Variants in EFEMP1 observed in about 807,000 individuals in gnomAD.
EFEMP1 encodes the protein EGF-containing fibulin-like extracellular matrix protein 1.
In EFEMP1, 18 loss-of-function variants were observed where a neutral mutation model predicts 65.7. The ratio of observed to expected loss-of-function variants is 0.27; its 90% CI spans 0.19 to 0.41. The LOEUF is 0.41. EFEMP1 is among the 10% of genes least tolerant of loss of function. EFEMP1 has a pLI of 1.00. For missense variants in EFEMP1, 469 were observed against 624.8 expected (o/e 0.75, Z 2.66); for synonymous variants, 237 against 219.7 (o/e 1.08, Z -0.70).
rs1668910560 is a variant in EFEMP1 at position 55,873,668 on chromosome 2, A to G, written c.1000+1278T>C. Among the ~76,000 whole-genome samples, 1 of 152,208 alleles carries G rather than the reference A, an allele frequency of 6.6e-6. No homozygotes were observed. Among genetic ancestry groups the G allele is most frequent in the East Asian group, 1.9e-4 (1 of 5,182 alleles). ...CATAATTAACATTTATAAAGTCTCT[A>G]GTAACCTGGAAAGGGTTATAAAGAT... On this transcript the variant is annotated intron_variant, in intron 9 of 11. Coordinates refer to ENST00000355426, the MANE Select transcript of EFEMP1 (RefSeq NM_001039348.3). This position sits in a 1 kb window ranked among gnomAD's most constrained non-coding sequence, Gnocchi z 4.6.
At chr2:55,891,558 G>A (rs936607134) in intron 5 of EFEMP1, among the ~76,000 whole-genome samples, 3 of 152,002 alleles carry the variant, frequency 2.0e-5, no homozygotes, top group Admixed American at 6.5e-5. Context: ...GTGCACATAC[G>A]TATAGCTTTG....
In EFEMP1 at chr2:55,922,615, C is replaced by G. The variant is rs759935204; in HGVS notation, c.-7-168G>C. ...CTCCCCTCCCCCTCCTGAACCTTCT[C>G]GGTAGCCAACGAACGAGGCAGCAAA... On this transcript the variant is annotated intron_variant, in intron 2 of 11. Transcript: ENST00000355426. The surrounding 1 kb of genome is among the most constrained non-coding windows in gnomAD (Gnocchi z 5.5). The G allele has an allele frequency of 4.4e-6, 3 of 674,472 alleles. No individual in the cohort carries two copies. The highest frequency in any genetic ancestry group is 7.7e-6 in the Non-Finnish European group (3 of 389,048). The allele number at this position is 674,472 out of a possible 1,614,324, so 41.8% of individuals were successfully genotyped here.
chr2:55,896,231 A>G (rs1077779), intron 5 of EFEMP1, among the ~76,000 whole-genome samples: 87,073 of 152,182 alleles, frequency 0.57, 26,414 homozygotes, highest in East Asian at 0.9. Flanking sequence ...TATCATCATT[A>G]CAACACTTTG....
At position 55,868,980 on chromosome 2, in the gene EFEMP1, T is replaced by C. The variant is rs373479165; in HGVS notation, c.1320+1740A>G. Among the ~76,000 whole-genome samples, 3 of 152,306 alleles carry C rather than the reference T, an allele frequency of 2.0e-5. No homozygotes were observed. In the East Asian group the frequency reaches 5.8e-4, roughly 29 times the overall value. On this transcript the variant is annotated intron_variant, in intron 11 of 11. Transcript: ENST00000355426. ...TGTGATAAGAAATAGTCTTGAAATG[T>C]CTATTTTTATTATTTTAAATAATTT...
intron 5 of EFEMP1, among the ~76,000 whole-genome samples, chr2:55,882,846 A>G (rs1217607399): frequency 6.6e-6 from 1 of 152,092 alleles, no homozygotes; most frequent in Non-Finnish European, 1.5e-5. Flanking sequence ...TTAGATCATC[A>G]CTGTGGCAGA....
At chr2:55,913,882 C>T (rs1024548297) in intron 5 of EFEMP1, among the ~76,000 whole-genome samples, 1 of 151,896 alleles carries the variant, frequency 6.6e-6, no homozygotes, top group East Asian at 1.9e-4. Context: ...TGGTGGTGCA[C>T]GCCTGTAGTC....
chr2:55,870,909 A>G lies in EFEMP1; in HGVS notation c.1131T>C (p.Cys377=). The G allele has an allele frequency of 1.2e-6, 2 of 1,613,830 alleles. No homozygotes were observed. Among genetic ancestry groups the G allele is most frequent in the Non-Finnish European group, 1.7e-6 (2 of 1,179,826 alleles). ...ACATGGCATTTGAGACTGGGCAAAC[A>G]CATCGGCTGCAGAGACAAACAAAAG... ...DPYILTPENR[C]VCPVSNAMCR... The change falls in exon 11 of 12, where the codon TGT becomes TGC. Residue 377 remains cysteine (C), a synonymous_variant. Coordinates refer to ENST00000355426, the MANE Select transcript of EFEMP1 (RefSeq NM_001039348.3). This position sits in a 1 kb window ranked among gnomAD's most constrained non-coding sequence, Gnocchi z 5.8.
At chr2:55,896,219 TATATC>T (rs1323114803) in intron 5 of EFEMP1, among the ~76,000 whole-genome samples, 2 of 152,250 alleles carry the variant, frequency 1.3e-5, no homozygotes, top group African/African-American at 4.8e-5. Flanking sequence ...TTTACACAAT[TATATC>T]ATCATTACAA....
At chr2:55,868,129 G>A (rs1668658769) in intron 11 of EFEMP1, among the ~76,000 whole-genome samples, 1 of 152,114 alleles carries the variant, frequency 6.6e-6, no homozygotes, top group Non-Finnish European at 1.5e-5. Flanking sequence ...GCTCCACGGG[G>A]GCAGGAACTG....
intron 5 of EFEMP1, among the ~76,000 whole-genome samples, chr2:55,913,071 G>A (rs1350523865): frequency 6.6e-6 from 1 of 152,174 alleles, no homozygotes; most frequent in Non-Finnish European, 1.5e-5. Flanking sequence ...TCTTTTGAAA[G>A]TACAAAACAA....
In EFEMP1 at chr2:55,874,926, G is replaced by GA. The variant is rs56280335; in HGVS notation, c.1000+19dup. ...GGCTAAAACTAAATACCTAACATAT[G>GA]AAAAAAAAAATAAACTTACCTTGAC... On this transcript the variant is annotated intron_variant, in intron 9 of 11. Coordinates refer to ENST00000355426, the MANE Select transcript of EFEMP1 (RefSeq NM_001039348.3). The GA allele has an allele frequency of 2.8e-3, 4,156 of 1,471,668 alleles. No homozygotes were observed. Among genetic ancestry groups the GA allele is most frequent in the East Asian group, 7.0e-3 (271 of 38,990 alleles). The allele number at this position is 1,471,668 out of a possible 1,614,324, so 91.2% of individuals were successfully genotyped here. A position where few individuals can be genotyped will look rare whatever the true frequency, so the allele number is the denominator to read the frequency against.
rs1365656296 is a variant in EFEMP1 at position 55,921,479 on chromosome 2, C to G, written c.81+881G>C. Among the ~76,000 whole-genome samples the G allele has an allele frequency of 2.0e-5, 3 of 152,110 alleles. No individual in the cohort carries two copies. Among genetic ancestry groups the G allele is most frequent in the East Asian group, 3.9e-4 (2 of 5,188 alleles). ...TCGAGTAGGATTACTTAATTTTAAA[C>G]TGGGAGCAGTAGAAAAATGTGCTTT... On this transcript the variant is annotated intron_variant, in intron 3 of 11. Coordinates refer to ENST00000355426, the MANE Select transcript of EFEMP1 (RefSeq NM_001039348.3). The surrounding 1 kb of genome is among the most constrained non-coding windows in gnomAD (Gnocchi z 4.1).
chr2:55,901,260 A>G (rs566692332), intron 5 of EFEMP1, among the ~76,000 whole-genome samples: 1 of 152,356 alleles, frequency 6.6e-6, no homozygotes, highest in African/African-American at 2.4e-5. Flanking sequence ...AATGTCTTTT[A>G]TGTAACAAGC....
chr2:55,895,357 A>G (rs1204750253), intron 5 of EFEMP1, among the ~76,000 whole-genome samples: 2 of 152,146 alleles, frequency 1.3e-5, no homozygotes, highest in African/African-American at 4.8e-5. Flanking sequence ...GGCCCTCTGC[A>G]TCAGCCTGGC....
chr2:55,919,812 C>A lies in EFEMP1; in HGVS notation c.82-1545G>T, dbSNP rs904531904. 6.6e-6 allele frequency among the ~76,000 whole-genome samples: 1 copy of A among 152,178 alleles called. No homozygotes were observed. Among genetic ancestry groups the A allele is most frequent in the Non-Finnish European group, 1.5e-5 (1 of 68,026 alleles). The stretch of plus-strand genomic sequence containing the variant: ...CCAAACAGTGTTAAAGGTACCACTA[C>A]CTTTTTCGAAACCCAGGATTCCAAC... On this transcript the variant is annotated intron_variant, in intron 3 of 11. Coordinates refer to ENST00000355426, the MANE Select transcript of EFEMP1 (RefSeq NM_001039348.3). This position sits in a 1 kb window ranked among gnomAD's most constrained non-coding sequence, Gnocchi z 4.5.
At chr2:55,891,018 A>G (rs1225488555) in intron 5 of EFEMP1, among the ~76,000 whole-genome samples, 1 of 152,010 alleles carries the variant, frequency 6.6e-6, no homozygotes, top group Non-Finnish European at 1.5e-5. Context: ...AATTTGTGTC[A>G]CTGGGGGTTG....
At chr2:55,868,325 G>A (rs1251057169) in intron 11 of EFEMP1, among the ~76,000 whole-genome samples, 6 of 152,232 alleles carry the variant, frequency 3.9e-5, no homozygotes, top group South Asian at 2.1e-4. Flanking sequence ...ATACTGAACC[G>A]ACAGGTGTAG....
At chr2:55,906,633 G>T (rs150138390) in intron 5 of EFEMP1, among the ~76,000 whole-genome samples, 2 of 151,820 alleles carry the variant, frequency 1.3e-5, no homozygotes, top group South Asian at 4.2e-4. Flanking sequence ...AACAAAAGGT[G>T]CCCACAGCTT....
intron 11 of EFEMP1, among the ~76,000 whole-genome samples, chr2:55,868,878 C>A (rs1019604818): frequency 6.6e-6 from 1 of 152,100 alleles, no homozygotes; most frequent in Non-Finnish European, 1.5e-5. Flanking sequence ...GATTTTCATG[C>A]GTTTCAATGC....
Sources: gnomAD v4.1 joint callset for allele counts (sites outside exome capture counted in the v4.1 genomes callset) on GRCh38, gnomAD v4.1.1 for gene constraint, Gnocchi (gnomAD v3.1) non-coding constraint, MANE v1.5 for transcripts, NCBI Gene and HGNC (gene_info 2026-07-23, HGNC 2026-07-21) for gene names.